The following PIRT variants were observed in gnomAD, a reference collection of about 807,000 sequenced individuals.
PIRT encodes the protein phosphoinositide interacting regulator of transient receptor potential channels.
PIRT carries 6 observed loss-of-function variants against 7.9 expected under a neutral mutation model. The observed-to-expected ratio is 0.76, with a 90% CI of 0.42 to 1.51. PIRT has a LOEUF of 1.51. Ranked by LOEUF, PIRT falls within the 40% of genes most tolerant of loss-of-function variation. The pLI is 0.01. For missense variants in PIRT, 170 were observed against 172.9 expected (o/e 0.98, Z 0.09); for synonymous variants, 78 against 71.8 (o/e 1.09, Z -0.44).
Position 10,825,677 on chromosome 17 carries a change from A to G in PIRT, c.-32T>C. On this transcript the variant is annotated 5_prime_UTR_variant, in exon 2 of 2. Transcript: ENST00000580256. ...TCAGGACTGGGCGCCTAGGACCAGCAATAGTTGGAAACAAGAGTGGAGCCA... is the reference window on the plus strand; with the variant it reads ...TCAGGACTGGGCGCCTAGGACCAGCGATAGTTGGAAACAAGAGTGGAGCCA... The G allele has an allele frequency of 4.1e-6, 6 of 1,450,304 alleles. No homozygotes were observed. Among genetic ancestry groups the G allele is most frequent in the African/African-American group, 1.4e-5 (1 of 69,826 alleles). 89.8% of individuals were successfully genotyped at this position (1,450,304 alleles called of 1,614,324 possible).
rs1055614559 is a variant in PIRT at position 10,824,727 on chromosome 17, A to G, written c.*505T>C. On this transcript the variant is annotated 3_prime_UTR_variant, in exon 2 of 2. Transcript: ENST00000580256. ...AATGTTTGATACTTGTGATCTTGAA[A>G]GTCTGCTAAGGGAGCTAGGGCTGTC... The G allele has an allele frequency of 6.4e-6, 1 of 156,432 alleles. No individual in the cohort carries two copies. The highest frequency in any genetic ancestry group is 1.4e-5 in the Non-Finnish European group (1 of 70,522). The allele number at this position is 156,432 out of a possible 1,614,324, so 9.7% of individuals were successfully genotyped here.
chr17:10,831,491 T>C (rs1166021518), intron 1 of PIRT, among the ~76,000 whole-genome samples: 2 of 152,058 alleles, frequency 1.3e-5, no homozygotes, highest in African/African-American at 2.4e-5. Context: ...GGGAAGGCTA[T>C]GTGCAGAGGA....
At chr17:10,835,334 A>C (rs1263720731) in intron 1 of PIRT, among the ~76,000 whole-genome samples, 1 of 152,152 alleles carries the variant, frequency 6.6e-6, no homozygotes, top group Non-Finnish European at 1.5e-5. Flanking sequence ...GCCTCATTTC[A>C]TCCTCCCACC....
chr17:10,837,641 G>T (rs1170971093), intron 1 of PIRT, among the ~76,000 whole-genome samples: 1 of 152,198 alleles, frequency 6.6e-6, no homozygotes, highest in East Asian at 1.9e-4. Context: ...AAGAGTGAAG[G>T]CTGGATGCTA....
At chr17:10,833,858 A>C (rs966487259) in intron 1 of PIRT, among the ~76,000 whole-genome samples, 1 of 152,244 alleles carries the variant, frequency 6.6e-6, no homozygotes, top group Admixed American at 6.5e-5. Flanking sequence ...CAAGTGAACA[A>C]GGAACCCAGG....
intron 1 of PIRT, among the ~76,000 whole-genome samples, chr17:10,836,884 C>T (rs1905604378): frequency 6.6e-6 from 1 of 152,170 alleles, no homozygotes; most frequent in Non-Finnish European, 1.5e-5. Context: ...CTGTTTCCCT[C>T]ACGGAGTCCC....
chr17:10,830,057 A>G (rs886711562), intron 1 of PIRT, among the ~76,000 whole-genome samples: 1 of 152,114 alleles, frequency 6.6e-6, no homozygotes, highest in South Asian at 2.1e-4. Context: ...AAGAAAAGCA[A>G]CTATTCATTT....
chr17:10,831,206 G>C (rs532646122), intron 1 of PIRT, among the ~76,000 whole-genome samples: 10 of 152,324 alleles, frequency 6.6e-5, no homozygotes, highest in Non-Finnish European at 1.0e-4. Flanking sequence ...CTGGTCCAGT[G>C]AGAACCACCC....
In PIRT at chr17:10,827,465, C is replaced by CTTTTTTTTTTTTTT. The variant is rs546105685; in HGVS notation, c.-138-1696_-138-1683dup. Reference sequence around the variant, plus strand: ...TCTTTCTTTTCTTTCTTTTTCTTTTCTTTTTTTTTTTTTTTTTTTTTTTTT... The same window carrying CTTTTTTTTTTTTTT: ...TCTTTCTTTTCTTTCTTTTTCTTTTCTTTTTTTTTTTTTTTTTTTTTTTTTTTTTTTTTTTTTTT... On this transcript the variant is annotated intron_variant, in intron 1 of 1. Transcript: ENST00000580256. Among the ~76,000 whole-genome samples the CTTTTTTTTTTTTTT allele has an allele frequency of 5.3e-3, 296 of 56,282 alleles. 22 individuals are homozygous for CTTTTTTTTTTTTTT. The highest frequency in any genetic ancestry group is 8.7e-3 in the East Asian group (17 of 1,948). 36.9% of individuals were successfully genotyped at this position (56,282 alleles called of 152,430 possible). A position where few individuals can be genotyped will look rare whatever the true frequency, so the allele number is the denominator to read the frequency against.
intron 1 of PIRT, among the ~76,000 whole-genome samples, chr17:10,826,526 T>C (rs968414294): frequency 9.2e-5 from 14 of 152,266 alleles, no homozygotes; most frequent in African/African-American, 3.4e-4. Context: ...AAATTCTGCA[T>C]GTGTGTCCTG....
chr17:10,837,430 C>T (rs1409593903), intron 1 of PIRT, among the ~76,000 whole-genome samples: 1 of 152,242 alleles, frequency 6.6e-6, no homozygotes, highest in Non-Finnish European at 1.5e-5. Context: ...GCCCCAGACA[C>T]CTGCCACAGC....
chr17:10,832,874 C>A (rs1203359207), intron 1 of PIRT, among the ~76,000 whole-genome samples: 2 of 152,200 alleles, frequency 1.3e-5, no homozygotes, highest in East Asian at 1.9e-4. Flanking sequence ...ACTGCATAGA[C>A]CCTTAGTGCT....
In PIRT at chr17:10,835,893, C is replaced by T. The variant is rs1194591731; in HGVS notation, c.-139+2052G>A. Among the ~76,000 whole-genome samples the T allele has an allele frequency of 3.3e-5, 5 of 151,482 alleles. No homozygotes were observed. The East Asian group carries it at 5.8e-4, about 18-fold the overall frequency. On this transcript the variant is annotated intron_variant, in intron 1 of 1. Coordinates refer to ENST00000580256, the MANE Select transcript of PIRT (RefSeq NM_001101387.2). ...AGCACAGGCTCAGAGCTGCCAGCCT[C>T]CAAATCCTGATTTTTTTTTTTTTTT...
Position 10,823,428 on chromosome 17 carries a change from A to G in PIRT, c.*1804T>C, listed in dbSNP as rs1417232842. On this transcript the variant is annotated 3_prime_UTR_variant, in exon 2 of 2. Transcript: ENST00000580256. ...CCCCATGACACAAGTGCTTTCCTCCATGGATTTTCTCACAATGCAGAAGGA... is the reference window on the plus strand; with the variant it reads ...CCCCATGACACAAGTGCTTTCCTCCGTGGATTTTCTCACAATGCAGAAGGA... The G allele has an allele frequency of 6.6e-6, 1 of 152,242 alleles. No individual in the cohort carries two copies. Among genetic ancestry groups the G allele is most frequent in the Non-Finnish European group, 1.5e-5 (1 of 68,070 alleles). 9.4% of individuals were successfully genotyped at this position (152,242 alleles called of 1,614,324 possible).
At chr17:10,826,342 C>T (rs1459857130) in intron 1 of PIRT, among the ~76,000 whole-genome samples, 3 of 152,196 alleles carry the variant, frequency 2.0e-5, no homozygotes, top group Non-Finnish European at 4.4e-5. Flanking sequence ...AATTACTCAA[C>T]CTCTCTTTGT....
Position 10,825,177 on chromosome 17 carries a change from G to A in PIRT, c.*55C>T. 1 of 1,578,130 alleles carries A rather than the reference G, an allele frequency of 6.3e-7. No homozygotes were observed. The highest frequency in any genetic ancestry group is 8.6e-7 in the Non-Finnish European group (1 of 1,157,366). On this transcript the variant is annotated 3_prime_UTR_variant, in exon 2 of 2. Transcript: ENST00000580256. ...CACAGAGGAGACAGGGATGTCGGAT[G>A]TTGGTCATCAGATCTTCTCCCAGTC...
At chr17:10,833,779 C>T (rs1290808452) in intron 1 of PIRT, among the ~76,000 whole-genome samples, 2 of 151,728 alleles carry the variant, frequency 1.3e-5, no homozygotes, top group Non-Finnish European at 2.9e-5. Context: ...TCTGTCAATG[C>T]TACATATGAT....
At chr17:10,826,051 C>A (rs1374499354) in intron 1 of PIRT, among the ~76,000 whole-genome samples, 1 of 152,016 alleles carries the variant, frequency 6.6e-6, no homozygotes, top group Non-Finnish European at 1.5e-5. Flanking sequence ...GCAACCTCCA[C>A]CTCCCGGGTT....
At chr17:10,826,186 A>T (rs1381909147) in intron 1 of PIRT, among the ~76,000 whole-genome samples, 4 of 152,014 alleles carry the variant, frequency 2.6e-5, no homozygotes, top group African/African-American at 9.6e-5. Context: ...CTGGTCTCGA[A>T]CTCCTGACCT....
Sources: gnomAD v4.1 joint callset for allele counts (sites outside exome capture counted in the v4.1 genomes callset) on GRCh38, gnomAD v4.1.1 for gene constraint, MANE v1.5 for transcripts, NCBI Gene and HGNC (gene_info 2026-07-23, HGNC 2026-07-21) for gene names.